The following ERI2 variants were observed in gnomAD, a reference collection of about 807,000 sequenced individuals.
ERI2 encodes ERI1 exoribonuclease family member 2, also known as ERI1 exoribonuclease 2.
ERI2 carries 35 observed loss-of-function variants against 46.8 expected under a neutral mutation model. That is an observed-to-expected ratio of 0.75 (90% confidence interval 0.57 to 0.99). ERI2 has a LOEUF of 0.99. ERI2 is among the 50% of genes least tolerant of loss of function. ERI2 has a pLI of 0.00. For synonymous variants in ERI2, 224 were observed against 271.0 expected (o/e 0.83, Z 1.70); for missense variants, 695 against 796.2 (o/e 0.87, Z 1.53).
chr16:20,801,355 T>C lies in ERI2; in HGVS notation c.308A>G (p.Gln103Arg). The C allele has an allele frequency of 6.3e-7, 1 of 1,595,640 alleles. No homozygotes were observed. Among genetic ancestry groups the C allele is most frequent in the Non-Finnish European group, 8.5e-7 (1 of 1,172,556 alleles). The change falls in exon 5 of 9, where the codon CAA (glutamine) becomes CGA (arginine). Residue 103 changes from glutamine (Q) to arginine (R), a missense_variant. Physicochemically the swap from Gln to Arg is conservative, Grantham distance 43. Coordinates refer to ENST00000357967, the MANE Select transcript of ERI2 (RefSeq NM_001142725.2). ...CTTCAGAGGGACTCCTTCATCAACT[T>C]GAGCCTGAGTAGAGAGTCACAAAAG... is the stretch of plus-strand genomic sequence containing the variant. ...CMELTGIKQA[Q>R]VDEGVPLKIC...
downstream of ERI2, chr16:20,792,351 C>A: frequency 6.2e-7 from 1 of 1,612,912 alleles, no homozygotes; most frequent in East Asian, 2.2e-5. Context: ...AGAACTGATT[C>A]ATGTCAACTT....
intron 10 of ERI2, among the ~76,000 whole-genome samples, chr16:20,782,002 C>G (rs1234189882): frequency 6.6e-6 from 1 of 152,152 alleles, no homozygotes; most frequent in Non-Finnish European, 1.5e-5. Flanking sequence ...AGTGAGGGTT[C>G]AGCTATGTTT....
At chr16:20,786,282 T>C (rs753125672) in intron 10 of ERI2, 7 of 1,426,594 alleles carry the variant, frequency 4.9e-6, no homozygotes, top group Non-Finnish European at 6.5e-6. Flanking sequence ...CATGATACTT[T>C]AATTTTTATA....
At chr16:20,784,726 G>T (rs1444492548) in intron 10 of ERI2, 2 of 187,268 alleles carry the variant, frequency 1.1e-5, no homozygotes, top group African/African-American at 4.7e-5. Flanking sequence ...GGGGGGTAAA[G>T]AAAAACTAGT....
downstream of ERI2, among the ~76,000 whole-genome samples, chr16:20,793,013 T>C (rs1262565670): frequency 6.6e-6 from 1 of 152,216 alleles, no homozygotes; most frequent in African/African-American, 2.4e-5. Flanking sequence ...CTTCTAACAC[T>C]GAATCCAAGT....
Position 20,790,897 on chromosome 16 carries a change from A to G in ERI2, c.768T>C (p.Ser256=). 6.2e-7 allele frequency: 1 copy of G among 1,614,098 alleles called. No individual in the cohort carries two copies. ...CATGCTGGTCCCCTGAGGCCAGATC[A>G]CTGTTCCAGGTCCACGAAGGCAAGA... Residue 256 remains serine (S), a synonymous_variant, in exon 9 of 11, where the codon AGT becomes AGC. Coordinates refer to the ERI2 transcript ENST00000300005. This position sits in a 1 kb window ranked among gnomAD's most constrained non-coding sequence, Gnocchi z 4.0.
chr16:20,785,244 T>C, intron 10 of ERI2: 2 of 1,224,866 alleles, frequency 1.6e-6, no homozygotes, highest in Non-Finnish European at 2.2e-6. Flanking sequence ...AAACAATGCT[T>C]GCAAGAACCT....
intron 7 of ERI2, 183 bp from the exon 8 acceptor site, chr16:20,799,534 AT>A: frequency 1.7e-6 from 1 of 592,246 alleles, no homozygotes; most frequent in Middle Eastern, 3.0e-4. Flanking sequence ...CTATGGCAGC[AT>A]TACCAGTGAA....
In ERI2 at chr16:20,798,252, C is replaced by T. The variant is rs181163163; in HGVS notation, c.1548G>A (p.Met516Ile). ...GTTTCCCCAAAACTAAAGGATGAGA[C>T]ATATTGGCATTAACTCTGTTGAAGG... ...SSTFNRVNAN[M>I]SHPLVLGKHP... The change falls in exon 9 of 9, where the codon ATG becomes ATA. Residue 516 changes from methionine (M) to isoleucine (I), a missense_variant. Physicochemically the swap from Met to Ile is conservative, Grantham distance 10. Transcript: ENST00000357967. 1.5e-5 allele frequency: 24 copies of T among 1,551,578 alleles called. No individual in the cohort carries two copies. The highest frequency in any genetic ancestry group is 2.7e-5 in the African/African-American group (2 of 73,150).
chr16:20,781,792 G>A (rs1244233461), intron 10 of ERI2: 1 of 1,596,506 alleles, frequency 6.3e-7, no homozygotes, highest in South Asian at 1.1e-5. Flanking sequence ...AACCAGGTAA[G>A]AAATGTTAGT....
chr16:20,806,160 C>G (rs1464912739), intron 1 of ERI2: 2 of 1,375,838 alleles, frequency 1.5e-6, no homozygotes, highest in South Asian at 1.7e-5. Flanking sequence ...CAAGGCCACA[C>G]AGTCAAGGCC....
chr16:20,788,699 C>T (rs1027271726), intron 10 of ERI2, among the ~76,000 whole-genome samples: 2 of 152,124 alleles, frequency 1.3e-5, no homozygotes, highest in African/African-American at 2.4e-5. Context: ...CATTTTAAGA[C>T]CCTATGAACA....
chr16:20,793,977 C>T (rs958135860), downstream of ERI2, among the ~76,000 whole-genome samples: 2 of 152,122 alleles, frequency 1.3e-5, no homozygotes, highest in Admixed American at 6.5e-5. Flanking sequence ...CTCACAGCTC[C>T]GGGGGCTTGG....
chr16:20,792,394 A>C, downstream of ERI2: 1 of 1,599,470 alleles, frequency 6.3e-7, no homozygotes, highest in Non-Finnish European at 8.6e-7. Flanking sequence ...ACATACTTAC[A>C]AACAGTAGCT....
Position 20,799,085 on chromosome 16 carries a change from A to G in ERI2, c.733-18T>C. Reference sequence around the variant, plus strand: ...GTGGGAACCTATGATTCCACAGACAAATGCAACAGCTTTAGAAACTGTGCA... The same window carrying G: ...GTGGGAACCTATGATTCCACAGACAGATGCAACAGCTTTAGAAACTGTGCA... On this transcript the variant is annotated intron_variant, in intron 8 of 8. Coordinates refer to ENST00000357967, the MANE Select transcript of ERI2 (RefSeq NM_001142725.2). 2.7e-6 allele frequency: 4 copies of G among 1,490,032 alleles called. No individual in the cohort carries two copies. Among genetic ancestry groups the G allele is most frequent in the Non-Finnish European group, 3.6e-6 (4 of 1,124,506 alleles). 92.3% of individuals were successfully genotyped at this position (1,490,032 alleles called of 1,614,324 possible).
At position 20,799,904 on chromosome 16, in the gene ERI2, T is replaced by C. The variant is rs533857095; in HGVS notation, c.643+53A>G. On this transcript the variant is annotated intron_variant, in intron 7 of 8. Transcript: ENST00000357967. ...ACATTACCAAAAAATGAAATTCATA[T>C]GAAGTATTTTTTAAAAGTCAAATGG... 84 of 1,063,458 alleles carry C rather than the reference T, an allele frequency of 7.9e-5. No homozygotes were observed. The African/African-American group carries it at 1.2e-3, about 15-fold the overall frequency. 65.9% of individuals were successfully genotyped at this position (1,063,458 alleles called of 1,614,324 possible).
At chr16:20,788,575 T>C (rs1484940343) in intron 10 of ERI2, among the ~76,000 whole-genome samples, 2 of 152,210 alleles carry the variant, frequency 1.3e-5, no homozygotes, top group Non-Finnish European at 1.5e-5. Flanking sequence ...AGTAACATTC[T>C]GGCATCTGGG....
At chr16:20,789,616 T>C in intron 9 of ERI2, 1 of 1,155,114 alleles carries the variant, frequency 8.7e-7, no homozygotes, top group African/African-American at 1.5e-5. Flanking sequence ...GAAAAGATAA[T>C]CAAGACCTAT....
downstream of ERI2, among the ~76,000 whole-genome samples, chr16:20,794,327 TC>T (rs1490624998): frequency 1.1e-4 from 16 of 152,196 alleles, no homozygotes; most frequent in Non-Finnish European, 2.9e-5. Context: ...ATTTTTGGGA[TC>T]ACATATCTCT....
Sources: gnomAD v4.1 joint callset for allele counts (sites outside exome capture counted in the v4.1 genomes callset) on GRCh38, gnomAD v4.1.1 for gene constraint, Gnocchi (gnomAD v3.1) non-coding constraint, MANE v1.5 for transcripts, NCBI Gene and HGNC (gene_info 2026-07-23, HGNC 2026-07-21) for gene names.